The following KCNMA1 variants were observed in gnomAD, a reference collection of about 807,000 sequenced individuals.
The protein encoded by KCNMA1 is Calcium-activated potassium channel subunit alpha-1.
In KCNMA1, 29 loss-of-function variants were observed where a neutral mutation model predicts 140.0. The ratio of observed to expected loss-of-function variants is 0.21; its 90% CI spans 0.15 to 0.28. KCNMA1 has a LOEUF of 0.28. KCNMA1 is among the 10% of genes least tolerant of loss of function. KCNMA1 has a pLI of 1.00. For missense variants in KCNMA1, 880 were observed against 1,602.2 expected (o/e 0.55, Z 7.70); for synonymous variants, 612 against 611.9 (o/e 1.00, Z 0.00).
intron 1 of KCNMA1, among the ~76,000 whole-genome samples, chr10:77,520,027 CAGTGTGAGGGTGT>C: frequency 3.1e-4 from 1 of 3,194 alleles, no homozygotes; most frequent in African/African-American, 3.2e-3. Flanking sequence ...CTGGGGTATG[CAGTGTGAGGGTGT>C]GCAGTGTGAG....
chr10:77,114,819 ACT>A (rs1411135487), intron 6 of KCNMA1, among the ~76,000 whole-genome samples: 1 of 151,680 alleles, frequency 6.6e-6, no homozygotes, highest in African/African-American at 2.4e-5. Context: ...GCAGAAAAGA[ACT>A]CTCTTTTCTA....
chr10:77,082,160 C>A lies in KCNMA1; in HGVS notation c.1523+2477G>T, dbSNP rs1318615519. 2.0e-5 allele frequency among the ~76,000 whole-genome samples: 3 copies of A among 151,630 alleles called. No individual in the cohort carries two copies. In the East Asian group the frequency reaches 5.8e-4, roughly 29 times the overall value. ...TCCCCTGCCTCAACCTCCTGAGTAACTGGGATTACAGGCACACACCACCAC... is the reference window on the plus strand; with the variant it reads ...TCCCCTGCCTCAACCTCCTGAGTAAATGGGATTACAGGCACACACCACCAC... On this transcript the variant is annotated intron_variant, in intron 12 of 27. Transcript: ENST00000286628.
rs1319903817 is a variant in KCNMA1, at chr10:77,572,878, AATT to A, written c.378+64384_378+64386del. On this transcript the variant is annotated intron_variant, in intron 1 of 27. Transcript: ENST00000286628. ...ATTCCAATTGTTTCGGGTTTTAGGA[AATT>A]ATTAAGGTGAATCTCTGAGGTTTGG... Among the ~76,000 whole-genome samples the A allele has an allele frequency of 2.6e-5, 4 of 152,060 alleles. No homozygotes were observed. In the East Asian group the frequency reaches 7.7e-4, roughly 29 times the overall value.
chr10:77,201,217 G>C (rs138900795), intron 3 of KCNMA1, among the ~76,000 whole-genome samples: 1 of 152,144 alleles, frequency 6.6e-6, no homozygotes, highest in Non-Finnish European at 1.5e-5. Flanking sequence ...AATTTTAACC[G>C]TGGTGGGAGC....
rs79047743 is a variant in KCNMA1 at position 77,059,285 on chromosome 10, G to GAA, written c.1749+13810_1749+13811dup. Among the ~76,000 whole-genome samples, 228 of 150,050 alleles carry GAA rather than the reference G, an allele frequency of 1.5e-3. 2 individuals are homozygous for GAA. The highest frequency in any genetic ancestry group is 5.1e-3 in the African/African-American group (207 of 40,942). ...TGCCAAATACTACTAAATATTTAAA[G>GAA]AAAAAAAAATCACCAATTCTACACA... is the stretch of plus-strand genomic sequence containing the variant. On this transcript the variant is annotated intron_variant, in intron 14 of 27. Transcript: ENST00000286628.
chr10:77,021,081 ACCC>A (rs1284449442), intron 16 of KCNMA1: 1 of 152,184 alleles, frequency 6.6e-6, no homozygotes, highest in Non-Finnish European at 1.5e-5. Context: ...TCTCTAGCTG[ACCC>A]CATGGAATAT....
At chr10:77,607,619 C>T (rs1476568513) in intron 1 of KCNMA1, among the ~76,000 whole-genome samples, 1 of 151,938 alleles carries the variant, frequency 6.6e-6, no homozygotes, top group East Asian at 1.9e-4. Context: ...TGAGATGGAG[C>T]AATGTGCTTT....
intron 2 of KCNMA1, among the ~76,000 whole-genome samples, chr10:77,261,844 A>G (rs1371857195): frequency 1.3e-5 from 2 of 152,208 alleles, no homozygotes; most frequent in South Asian, 2.1e-4. Context: ...AAAAAGTTCC[A>G]TCTGCTGGTG....
At chr10:77,151,091 TTCTC>T (rs371312636) in intron 5 of KCNMA1, among the ~76,000 whole-genome samples, 6 of 151,460 alleles carry the variant, frequency 4.0e-5, no homozygotes, top group Admixed American at 1.3e-4. Context: ...CTTTCTTTCT[TTCTC>T]TCTCTCTCTT....
At chr10:76,955,552 T>C (rs547547933) in intron 20 of KCNMA1, among the ~76,000 whole-genome samples, 3 of 152,352 alleles carry the variant, frequency 2.0e-5, no homozygotes, top group South Asian at 4.1e-4. Context: ...CTGTCATATC[T>C]GATCTTAAAA....
rs551937383 is a variant in KCNMA1 at position 77,471,064 on chromosome 10, C to T, written c.379-67041G>A. Among the ~76,000 whole-genome samples the T allele has an allele frequency of 4.6e-5, 7 of 151,754 alleles. No homozygotes were observed. In the South Asian group the frequency reaches 1.5e-3, roughly 32 times the overall value. On this transcript the variant is annotated intron_variant, in intron 1 of 27. Coordinates refer to ENST00000286628, the MANE Select transcript of KCNMA1 (RefSeq NM_001161352.2). Reference sequence around the variant, plus strand: ...TGCACACCACATACATAACACAACTCATACTACACACACAACACATATACA... The same window carrying T: ...TGCACACCACATACATAACACAACTTATACTACACACACAACACATATACA...
At chr10:77,248,732 T>A (rs2059112914) in intron 3 of KCNMA1, among the ~76,000 whole-genome samples, 1 of 152,190 alleles carries the variant, frequency 6.6e-6, no homozygotes, top group South Asian at 2.1e-4. Context: ...TTTTTTCTCA[T>A]TCACTAAGCT....
chr10:76,971,829 AT>A (rs1477170012), intron 19 of KCNMA1, among the ~76,000 whole-genome samples: 3 of 152,248 alleles, frequency 2.0e-5, no homozygotes, highest in Non-Finnish European at 4.4e-5. Flanking sequence ...CATAAATGGT[AT>A]TGAAAAAATC....
chr10:77,311,463 G>T (rs1321299405), intron 2 of KCNMA1, among the ~76,000 whole-genome samples: 1 of 152,154 alleles, frequency 6.6e-6, no homozygotes, highest in South Asian at 2.1e-4. Flanking sequence ...CTAGGGGGAG[G>T]AGGAATGGCA....
At chr10:77,634,218 G>C (rs190894500) in intron 1 of KCNMA1, 15 of 985,374 alleles carry the variant, frequency 1.5e-5, no homozygotes, top group East Asian at 1.1e-4. Flanking sequence ...TGAATAGAGA[G>C]CTCTGATGAA....
chr10:77,296,715 C>T (rs1335674637), intron 2 of KCNMA1, among the ~76,000 whole-genome samples: 1 of 152,020 alleles, frequency 6.6e-6, no homozygotes, highest in Non-Finnish European at 1.5e-5. Flanking sequence ...CATCCCAGAC[C>T]CACACTGGGG....
intron 3 of KCNMA1, among the ~76,000 whole-genome samples, chr10:77,198,922 C>A (rs903337211): frequency 6.6e-6 from 1 of 152,086 alleles, no homozygotes; most frequent in Non-Finnish European, 1.5e-5. Context: ...TGATTCCCTG[C>A]GTGTATGATG....
At chr10:77,095,988 C>T (rs1009283305) in intron 9 of KCNMA1, among the ~76,000 whole-genome samples, 16 of 152,296 alleles carry the variant, frequency 1.1e-4, no homozygotes, top group African/African-American at 3.9e-4. Flanking sequence ...GAGCCAGTAG[C>T]CTTTGAAAAG....
At chr10:77,519,319 A>G (rs2051908840) in intron 1 of KCNMA1, among the ~76,000 whole-genome samples, 1 of 152,224 alleles carries the variant, frequency 6.6e-6, no homozygotes, top group African/African-American at 2.4e-5. Flanking sequence ...ATATCCACAC[A>G]CCATCTCTAT....
Sources: gnomAD v4.1 joint callset for allele counts (sites outside exome capture counted in the v4.1 genomes callset) on GRCh38, gnomAD v4.1.1 for gene constraint, MANE v1.5 for transcripts, NCBI Gene and HGNC (gene_info 2026-07-23, HGNC 2026-07-21) for gene names.